CSMD3: variants seen among roughly 807,000 people sequenced by gnomAD.
The protein encoded by CSMD3 is CUB and Sushi multiple domains 3.
CSMD3 carries 177 observed loss-of-function variants against 435.2 expected under a neutral mutation model. The ratio of observed to expected loss-of-function variants is 0.41; its 90% confidence interval spans 0.36 to 0.46. The LOEUF (loss-of-function observed/expected upper bound fraction) is 0.46, where lower values mean the gene tolerates loss of function less well. CSMD3 is among the 20% of genes least tolerant of loss of function. The pLI, the probability that CSMD3 is intolerant of heterozygous loss-of-function variation, is 0.34. For synonymous variants in CSMD3, 1,656 were observed against 1,520.5 expected, an observed-to-expected ratio of 1.09 and a Z score of -2.07; for missense variants, 4,265 against 4,504.6, an observed-to-expected ratio of 0.95 and a Z score of 1.52.
At chr8:113,110,895 T>C (rs774344842) in intron 4 of CSMD3, among the ~76,000 whole-genome samples, 1 of 152,172 alleles carries the variant, frequency 6.6e-6, no homozygotes, top group Admixed American at 6.5e-5. Context: ...ATTCAGTAAC[T>C]GGTGAGGACC....
chr8:113,390,116 G>T (rs988254119), intron 1 of CSMD3, among the ~76,000 whole-genome samples: 2 of 151,774 alleles, frequency 1.3e-5, no homozygotes, highest in African/African-American at 4.8e-5. Context: ...ATTTAACAAA[G>T]TATTTACTAT....
At chr8:112,883,298 T>C (rs1339599126) in intron 10 of CSMD3, among the ~76,000 whole-genome samples, 1 of 151,988 alleles carries the variant, frequency 6.6e-6, no homozygotes, top group Non-Finnish European at 1.5e-5. Context: ...TTCTGGAATA[T>C]AAATCGTTGG....
At chr8:112,897,228 T>C (rs13252891) in intron 10 of CSMD3, among the ~76,000 whole-genome samples, 9 of 151,438 alleles carry the variant, frequency 5.9e-5, no homozygotes, top group Non-Finnish European at 1.5e-5. Context: ...TGTGTGCTTG[T>C]CTTTTCACCC....
chr8:112,392,872 T>TC (rs928397640), intron 35 of CSMD3, among the ~76,000 whole-genome samples: 9 of 147,446 alleles, frequency 6.1e-5, no homozygotes, highest in African/African-American at 2.3e-4. Flanking sequence ...TTCTTTTTTT[T>TC]TTTTTTTTTT....
intron 24 of CSMD3, among the ~76,000 whole-genome samples, chr8:112,562,441 C>T (rs1253580381): frequency 2.7e-5 from 4 of 150,630 alleles, no homozygotes; most frequent in Admixed American, 6.6e-5. Flanking sequence ...GAGTATTTAA[C>T]GGTCAATGAA....
At chr8:113,241,666 T>C (rs2132247298) in intron 3 of CSMD3, among the ~76,000 whole-genome samples, 1 of 151,760 alleles carries the variant, frequency 6.6e-6, no homozygotes, top group African/African-American at 2.4e-5. Flanking sequence ...TGTGGAAGTA[T>C]AGTTTTTCAG....
At chr8:112,819,463 T>A (rs1031640226) in intron 12 of CSMD3, among the ~76,000 whole-genome samples, 1 of 152,208 alleles carries the variant, frequency 6.6e-6, no homozygotes, top group South Asian at 2.1e-4. Flanking sequence ...TAAATCCAGG[T>A]AATTCTGCTA....
rs1326475634 is a variant in CSMD3 at position 113,015,716 on chromosome 8, ATCT to A, written c.1030+3348_1030+3350del. On this transcript the variant is annotated intron_variant, in intron 6 of 70. Coordinates refer to ENST00000297405, the MANE Select transcript of CSMD3 (RefSeq NM_198123.2). ...TGAAATAAAAATACTTTTAATTAAA[ATCT>A]TCTATAGGTAAGATTTTCTTTCTTG... is the stretch of plus-strand genomic sequence containing the variant. Among the ~76,000 whole-genome samples the A allele has an allele frequency of 2.0e-5, 3 of 151,866 alleles. No individual in the cohort carries two copies. The South Asian group carries it at 6.2e-4, about 31-fold the overall frequency.
intron 4 of CSMD3, among the ~76,000 whole-genome samples, chr8:113,139,402 G>A (rs1356326646): frequency 6.6e-6 from 1 of 150,780 alleles, no homozygotes; most frequent in Admixed American, 6.6e-5. Context: ...GTAAATGCAG[G>A]GGTATAAAGG....
At chr8:112,800,100 A>T (rs2078925710) in intron 13 of CSMD3, 62 bp downstream of exon 13, 3 of 1,134,468 alleles carry the variant, frequency 2.6e-6, no homozygotes, top group Non-Finnish European at 4.0e-6. Context: ...ATTAAACGTG[A>T]ATTTAAAAAT....
chr8:113,364,440 T>C (rs758399646), intron 1 of CSMD3, among the ~76,000 whole-genome samples: 2 of 152,068 alleles, frequency 1.3e-5, no homozygotes, highest in Non-Finnish European at 2.9e-5. Context: ...AATGTGGAAA[T>C]GAAATGCTAG....
intron 24 of CSMD3, among the ~76,000 whole-genome samples, chr8:112,568,191 A>G (rs993010266): frequency 5.3e-5 from 8 of 152,200 alleles, no homozygotes; most frequent in South Asian, 2.1e-4. Context: ...ATCAAACCAG[A>G]GTTGACTGAG....
intron 52 of CSMD3, among the ~76,000 whole-genome samples, chr8:112,303,882 T>C (rs1415036137): frequency 1.3e-5 from 2 of 152,120 alleles, no homozygotes; most frequent in Non-Finnish European, 2.9e-5. Context: ...CTATAAATCA[T>C]GGGTCTCTAT....
chr8:112,247,038 T>A lies in CSMD3; in HGVS notation c.10204A>T (p.Ile3402Phe). The A allele has an allele frequency of 1.9e-6, 3 of 1,613,150 alleles. No individual in the cohort carries two copies. Among genetic ancestry groups the A allele is most frequent in the Non-Finnish European group, 2.5e-6 (3 of 1,179,182 alleles). The change falls in exon 64 of 71, where the codon ATT becomes TTT. Residue 3402 changes from isoleucine (I) to phenylalanine (F), a missense_variant. By Grantham distance (21) the Ile-to-Phe change is conservative. Around this residue, in one of 3 missense-constraint regions of CSMD3, gnomAD observed 3,255 missense variants for 3,380.2 expected, o/e 0.96. Coordinates refer to ENST00000297405, the MANE Select transcript of CSMD3 (RefSeq NM_198123.2). ...TCLPDLTWSG[I>F]QPECIPHSCK... ...TACTTACGTATGCATTCAGGCTGAA[T>A]CCCACTCCACGTAAGATCAGGGAGG...
chr8:113,322,993 C>A (rs1223514355), intron 1 of CSMD3, among the ~76,000 whole-genome samples: 2 of 152,112 alleles, frequency 1.3e-5, no homozygotes, highest in Non-Finnish European at 2.9e-5. Context: ...TGTTCTTCAC[C>A]CACCTCAGCC....
intron 4 of CSMD3, among the ~76,000 whole-genome samples, chr8:113,158,673 T>C (rs1056905099): frequency 2.6e-5 from 4 of 152,134 alleles, no homozygotes; most frequent in African/African-American, 9.6e-5. Flanking sequence ...TATGAAAATA[T>C]TATACTATGA....
At chr8:112,847,768 A>G (rs1018417667) in intron 11 of CSMD3, among the ~76,000 whole-genome samples, 5 of 152,154 alleles carry the variant, frequency 3.3e-5, no homozygotes, top group African/African-American at 7.2e-5. Context: ...GCAAAAGGCT[A>G]TCTCTAAAGA....
rs758356414 is a variant in CSMD3, at chr8:112,301,848, A to G, written c.8385T>C (p.Ala2795=). 1.9e-6 allele frequency: 3 copies of G among 1,613,924 alleles called. No individual in the cohort carries two copies. Among genetic ancestry groups the G allele is most frequent in the Admixed American group, 3.3e-5 (2 of 59,988 alleles). The change falls in exon 53 of 71, where the codon GCT becomes GCC. Residue 2795 remains alanine, a synonymous_variant. Transcript: ENST00000297405. The part of the protein sequence containing the change: ...CDLGFMLVGS[A]VRECLSSGLW... ...GACCTGAGGAAAGGCATTCCCTTAC[A>G]GCAGAGCCCACAAGCATGAATCCCA... is the stretch of plus-strand genomic sequence containing the variant.
intron 10 of CSMD3, among the ~76,000 whole-genome samples, chr8:112,881,808 C>T (rs1218165854): frequency 3.3e-5 from 5 of 151,804 alleles, no homozygotes; most frequent in Non-Finnish European, 7.4e-5. Context: ...AAATTCTTCC[C>T]GATTAGGAGA....
Sources: gnomAD v4.1 joint callset for allele counts (sites outside exome capture counted in the v4.1 genomes callset) on GRCh38, gnomAD v4.1.1 for gene constraint, gnomAD v4.1.1 regional missense constraint, MANE v1.5 for transcripts, NCBI Gene and HGNC (gene_info 2026-07-23, HGNC 2026-07-21) for gene names.